The following NUAK2 variants were observed in gnomAD, a reference collection of about 807,000 sequenced individuals.
The protein encoded by NUAK2 is NUAK family kinase 2.
In NUAK2, 20 loss-of-function variants were observed where a neutral mutation model predicts 29.8. The ratio of observed to expected loss-of-function variants is 0.67; its 90% CI spans 0.47 to 0.98. The LOEUF is 0.98. Ranked by LOEUF, NUAK2 falls within the 50% of genes least tolerant of loss-of-function variation. The pLI, the probability that NUAK2 is intolerant of heterozygous loss-of-function variation, is 0.00. For synonymous variants in NUAK2, 331 were observed against 342.6 expected (o/e 0.97, Z 0.37); for missense variants, 719 against 834.5 (o/e 0.86, Z 1.71).
chr1:205,308,483 T>G lies in NUAK2; in HGVS notation c.504+98A>C. On this transcript the variant is annotated intron_variant, in intron 3 of 6. Coordinates refer to ENST00000367157, the MANE Select transcript of NUAK2 (RefSeq NM_030952.3). The surrounding 1 kb of genome is among the most constrained non-coding windows in gnomAD (Gnocchi z 4.1). The stretch of plus-strand genomic sequence containing the variant: ...ATCTAGTTTTGCCTCTGTTTCTGTG[T>G]GATCCTGGACAAGTCATGGAACCTC... 1 of 1,341,718 alleles carries G rather than the reference T, an allele frequency of 7.5e-7. No homozygotes were observed. The highest frequency in any genetic ancestry group is 1.0e-6 in the Non-Finnish European group (1 of 957,024). The allele number at this position is 1,341,718 out of a possible 1,614,324, so 83.1% of individuals were successfully genotyped here. A position where few individuals can be genotyped will look rare whatever the true frequency, so the allele number is the denominator to read the frequency against.
Position 205,308,529 on chromosome 1 carries a change from G to C in NUAK2, c.504+52C>G. The C allele has an allele frequency of 6.3e-7, 1 of 1,589,200 alleles. No individual in the cohort carries two copies. ...ACCTCTCTGGTCCAAAACAGCCCTA[G>C]AGCCCTGGGGACCACCCACTGAGAA... On this transcript the variant is annotated intron_variant, in intron 3 of 6. Coordinates refer to ENST00000367157, the MANE Select transcript of NUAK2 (RefSeq NM_030952.3). The surrounding 1 kb of genome is among the most constrained non-coding windows in gnomAD (Gnocchi z 4.1).
Position 205,321,347 on chromosome 1 carries a change from C to T in NUAK2, c.231+51G>A, listed in dbSNP as rs370486737. On this transcript the variant is annotated intron_variant, in intron 1 of 6. Transcript: ENST00000367157. ...CCGCCCGCCCTCCTCCGCTCCCTGC[C>T]GGCGGCCAAGCCGGAGCCCGCCCCG... 1.3e-3 allele frequency: 2,023 copies of T among 1,503,426 alleles called. 27 individuals are homozygous for T. The African/African-American group carries it at 0.025, about 19-fold the overall frequency. 93.1% of individuals were successfully genotyped at this position (1,503,426 alleles called of 1,614,324 possible).
At chr1:205,319,819 T>A (rs1662383661) in intron 1 of NUAK2, among the ~76,000 whole-genome samples, 1 of 152,124 alleles carries the variant, frequency 6.6e-6, no homozygotes, top group Non-Finnish European at 1.5e-5. Context: ...ACATCCACTC[T>A]CCTTCACCAA....
At position 205,321,625 on chromosome 1, in the gene NUAK2, C is replaced by G. The variant is rs368121832; in HGVS notation, c.4G>C (p.Glu2Gln). M[E>Q]SLVFARRSGP... ...GAGCGCCGCGCGAAAACCAGCGACTCCATGGCGAGCAGGAGGTGAGCAAGG... is the reference window on the plus strand; with the variant it reads ...GAGCGCCGCGCGAAAACCAGCGACTGCATGGCGAGCAGGAGGTGAGCAAGG... Residue 2 changes from glutamate (E) to glutamine (Q), a missense_variant, in exon 1 of 7, where the codon GAG (glutamate) becomes CAG (glutamine). Glu to Gln is a conservative substitution (Grantham distance 29). This residue lies in a region of NUAK2 where 283 missense variants were observed against 345.6 expected (regional missense o/e 0.82). Coordinates refer to ENST00000367157, the MANE Select transcript of NUAK2 (RefSeq NM_030952.3). The G allele has an allele frequency of 1.2e-6, 2 of 1,608,522 alleles. No homozygotes were observed. Among genetic ancestry groups the G allele is most frequent in the Non-Finnish European group, 1.7e-6 (2 of 1,179,382 alleles).
chr1:205,304,492 C>T lies in NUAK2; in HGVS notation c.845G>A (p.Trp282Ter). 1 of 1,517,500 alleles carries T rather than the reference C, an allele frequency of 6.6e-7. No individual in the cohort carries two copies. Among genetic ancestry groups the T allele is most frequent in the Middle Eastern group, 1.8e-4 (1 of 5,446 alleles). The allele number at this position is 1,517,500 out of a possible 1,614,324, so 94.0% of individuals were successfully genotyped here. ...KPSDACGLIRWLLMVNPTRRA... is the reference protein window; with the variant it reads ...KPSDACGLIR ...GCGGGTGGGGTTCACCATCAACAGC[C>T]ACCGGATCAGGCCACAGGCATCTGG... The change falls in exon 7 of 7, where the codon TGG becomes TAG. Residue 282 changes from tryptophan (W) to a stop codon, truncating the protein, a stop_gained. Transcript: ENST00000367157. LOFTEE classifies it low-confidence loss of function (END_TRUNC). This position sits in a 1 kb window ranked among gnomAD's most constrained non-coding sequence, Gnocchi z 6.5.
intron 4 of NUAK2, among the ~76,000 whole-genome samples, chr1:205,307,264 A>T (rs1662194771): frequency 6.6e-6 from 1 of 152,180 alleles, no homozygotes. Context: ...TTGGCCTCTT[A>T]TCAAGCAGTT....
chr1:205,303,355 G>T lies in NUAK2; in HGVS notation c.*95C>A. 1 of 1,111,814 alleles carries T rather than the reference G, an allele frequency of 9.0e-7. No individual in the cohort carries two copies. The highest frequency in any genetic ancestry group is 1.3e-6 in the Non-Finnish European group (1 of 786,820). The allele number at this position is 1,111,814 out of a possible 1,614,324, so 68.9% of individuals were successfully genotyped here. ...CCCTCTCAGCCTTCTGAGCTGGGAT[G>T]CAGGTCCTGGGAGGTGGGGGAGAAG... On this transcript the variant is annotated 3_prime_UTR_variant, in exon 7 of 7. Transcript: ENST00000367157.
In NUAK2 at chr1:205,304,795, T is replaced by G. The variant is rs1361686271; in HGVS notation, c.824-282A>C. On this transcript the variant is annotated intron_variant, in intron 6 of 6. Coordinates refer to ENST00000367157, the MANE Select transcript of NUAK2 (RefSeq NM_030952.3). The surrounding 1 kb of genome is among the most constrained non-coding windows in gnomAD (Gnocchi z 6.5). ...TATGTTGGTGTCTATCCTCTCTCTC[T>G]CCATTGAAATTCAACCCTCTGAGGG... 2.0e-5 allele frequency among the ~76,000 whole-genome samples: 3 copies of G among 152,116 alleles called. No individual in the cohort carries two copies. The highest frequency in any genetic ancestry group is 2.0e-4 in the Admixed American group (3 of 15,274).
chr1:205,321,676 C>A lies in NUAK2; in HGVS notation c.-48G>T, dbSNP rs775335398. On this transcript the variant is annotated 5_prime_UTR_variant, in exon 1 of 7. Transcript: ENST00000367157. ...GCGGCAGGGGAATCAGTAGGCTGTG[C>A]GGGGAGGGCTGAAGCGCGGGGCACA... The A allele has an allele frequency of 2.0e-6, 3 of 1,509,012 alleles. No homozygotes were observed. The highest frequency in any genetic ancestry group is 1.4e-5 in the African/African-American group (1 of 73,228). 93.5% of individuals were successfully genotyped at this position (1,509,012 alleles called of 1,614,324 possible).
In NUAK2 at chr1:205,308,260, G is replaced by C; in HGVS notation, c.505-30C>G. 3 of 1,534,452 alleles carry C rather than the reference G, an allele frequency of 2.0e-6. No homozygotes were observed. The highest frequency in any genetic ancestry group is 2.7e-6 in the Non-Finnish European group (3 of 1,126,946). On this transcript the variant is annotated intron_variant, in intron 3 of 6. Coordinates refer to ENST00000367157, the MANE Select transcript of NUAK2 (RefSeq NM_030952.3). This position sits in a 1 kb window ranked among gnomAD's most constrained non-coding sequence, Gnocchi z 4.1. The stretch of plus-strand genomic sequence containing the variant: ...AAGAAGGAGAGGGCAGTCACGGGAA[G>C]GTCACCAGGGAAGGGAAGATGATGA...
chr1:205,313,292 G>A (rs933116940), intron 1 of NUAK2, among the ~76,000 whole-genome samples: 28 of 150,640 alleles, frequency 1.9e-4, no homozygotes, highest in African/African-American at 5.8e-4. Flanking sequence ...CAGTCCAGAT[G>A]AGAAACCTTC....
At chr1:205,316,297 C>A (rs1489520910) in intron 1 of NUAK2, among the ~76,000 whole-genome samples, 1 of 152,210 alleles carries the variant, frequency 6.6e-6, no homozygotes, top group East Asian at 1.9e-4. Context: ...CTACCATGTG[C>A]CTGGCTGGCA....
chr1:205,317,377 G>C (rs754871145), intron 1 of NUAK2, among the ~76,000 whole-genome samples: 1 of 152,218 alleles, frequency 6.6e-6, no homozygotes, highest in Non-Finnish European at 1.5e-5. Flanking sequence ...AGCAGCTGCT[G>C]TCTGGGAGGC....
At position 205,308,200 on chromosome 1, in the gene NUAK2, C is replaced by T; in HGVS notation, c.535G>A (p.Glu179Lys). 6.2e-7 allele frequency: 1 copy of T among 1,606,974 alleles called. No individual in the cohort carries two copies. Among genetic ancestry groups the T allele is most frequent in the Non-Finnish European group, 8.5e-7 (1 of 1,177,160 alleles). Residue 179 changes from glutamate (E) to lysine (K), a missense_variant, in exon 4 of 7, where the codon GAG becomes AAG. Around this residue, in one of 3 missense-constraint regions of NUAK2, gnomAD observed 283 missense variants for 345.6 expected, o/e 0.82. Coordinates refer to ENST00000367157, the MANE Select transcript of NUAK2 (RefSeq NM_030952.3). This position sits in a 1 kb window ranked among gnomAD's most constrained non-coding sequence, Gnocchi z 4.1. ...CCATTGGCATCCAAGAGGATGTTCTCCAGCTTGAGATCTCGGTGGACAACT... is the reference window on the plus strand; with the variant it reads ...CCATTGGCATCCAAGAGGATGTTCTTCAGCTTGAGATCTCGGTGGACAACT... ...NRVVHRDLKL[E>K]NILLDANGNI...
At chr1:205,311,582 C>T in intron 2 of NUAK2, 123 bp downstream of exon 2, 1 of 1,291,260 alleles carries the variant, frequency 7.7e-7, no homozygotes, top group Non-Finnish European at 1.1e-6. Flanking sequence ...TCCTGCTCTT[C>T]TCTAGAGCCT....
chr1:205,303,795 C>T lies in NUAK2; in HGVS notation c.1542G>A (p.Glu514=), dbSNP rs1417973067. The T allele has an allele frequency of 1.3e-6, 2 of 1,582,108 alleles. No homozygotes were observed. Among genetic ancestry groups the T allele is most frequent in the Admixed American group, 1.8e-5 (1 of 56,216 alleles). The change falls in exon 7 of 7, where the codon GAG becomes GAA. Residue 514 remains glutamate, a synonymous_variant. Transcript: ENST00000367157. ...AGCCGAAGGTGGTGGGGGCCGCGAGCTCCAAGGCTGTCTGGGAGAACTTGC... is the reference window on the plus strand; with the variant it reads ...AGCCGAAGGTGGTGGGGGCCGCGAGTTCCAAGGCTGTCTGGGAGAACTTGC... ...LNGKFSQTAL[E]LAAPTTFGSL...
intron 1 of NUAK2, among the ~76,000 whole-genome samples, chr1:205,314,547 C>T (rs772282216): frequency 6.6e-6 from 1 of 152,226 alleles, no homozygotes; most frequent in Non-Finnish European, 1.5e-5. Flanking sequence ...CTGGATTCAA[C>T]TTGGAGTATC....
At position 205,308,820 on chromosome 1, in the gene NUAK2, C is replaced by T; in HGVS notation, c.353-88G>A. On this transcript the variant is annotated intron_variant, in intron 2 of 6. Coordinates refer to ENST00000367157, the MANE Select transcript of NUAK2 (RefSeq NM_030952.3). The surrounding 1 kb of genome is among the most constrained non-coding windows in gnomAD (Gnocchi z 4.1). ...GACTCACTCCTCCCCGACCCCAGGC[C>T]CCAAACCAGACAGGACCCCCCTCCA... 6.7e-7 allele frequency: 1 copy of T among 1,482,784 alleles called. No individual in the cohort carries two copies. 91.9% of individuals were successfully genotyped at this position (1,482,784 alleles called of 1,614,324 possible). A position where few individuals can be genotyped will look rare whatever the true frequency, so the allele number is the denominator to read the frequency against.
At chr1:205,311,387 CA>C (rs893152487) in intron 2 of NUAK2, among the ~76,000 whole-genome samples, 2 of 152,100 alleles carry the variant, frequency 1.3e-5, no homozygotes, top group African/African-American at 4.8e-5. Flanking sequence ...ATTATAACAA[CA>C]AAAAAACCTG....
Sources: gnomAD v4.1 joint callset for allele counts (sites outside exome capture counted in the v4.1 genomes callset) on GRCh38, gnomAD v4.1.1 for gene constraint, gnomAD v4.1.1 regional missense constraint, Gnocchi (gnomAD v3.1) non-coding constraint, MANE v1.5 for transcripts, NCBI Gene and HGNC (gene_info 2026-07-23, HGNC 2026-07-21) for gene names.